Variants in LRRC4C observed in about 807,000 individuals in gnomAD.
The protein encoded by LRRC4C is leucine-rich repeat-containing protein 4C.
A neutral mutation model predicts 33.6 loss-of-function variants in LRRC4C; 5 were observed. That is an observed-to-expected ratio of 0.15 (90% CI 0.08 to 0.31). The LOEUF is 0.31. Ranked by LOEUF, LRRC4C falls within the 10% of genes least tolerant of loss-of-function variation. The probability of loss-of-function intolerance (pLI) is 1.00; values close to 1 mark genes in which losing one functional copy is unlikely to be tolerated. For missense variants in LRRC4C, 560 were observed against 796.7 expected (o/e 0.70, Z 3.58); for synonymous variants, 329 against 302.0 (o/e 1.09, Z -0.93).
At chr11:41,065,867 A>T (rs902224041) in intron 1 of LRRC4C, among the ~76,000 whole-genome samples, 5 of 152,192 alleles carry the variant, frequency 3.3e-5, no homozygotes, top group African/African-American at 9.6e-5. Flanking sequence ...AATAACAACA[A>T]CATCAACAAA....
chr11:40,762,796 G>T (rs1215045195), intron 2 of LRRC4C, among the ~76,000 whole-genome samples: 2 of 151,566 alleles, frequency 1.3e-5, no homozygotes, highest in African/African-American at 4.8e-5. Flanking sequence ...ATTTTATTAG[G>T]TTTGTTTTGT....
chr11:41,217,953 T>C (rs1461138762), intron 1 of LRRC4C, among the ~76,000 whole-genome samples: 1 of 152,206 alleles, frequency 6.6e-6, no homozygotes, highest in Non-Finnish European at 1.5e-5. Flanking sequence ...ATAATCTTCT[T>C]AGTGAATTCC....
intron 2 of LRRC4C, among the ~76,000 whole-genome samples, chr11:40,670,049 T>C (rs1007000468): frequency 6.6e-6 from 1 of 152,200 alleles, no homozygotes; most frequent in Admixed American, 6.5e-5. Flanking sequence ...TCCAGAGCTC[T>C]TCATTTTTGT....
chr11:40,661,893 A>G (rs1396096291), intron 2 of LRRC4C, among the ~76,000 whole-genome samples: 3 of 152,176 alleles, frequency 2.0e-5, no homozygotes, highest in Non-Finnish European at 2.9e-5. Context: ...AATATAAGCA[A>G]ATCAGAACAT....
chr11:40,671,685 T>C (rs1020671559), intron 2 of LRRC4C, among the ~76,000 whole-genome samples: 6 of 37,290 alleles, frequency 1.6e-4, no homozygotes, highest in African/African-American at 9.6e-4. Context: ...GTGTAGTATA[T>C]ATATATGTGT....
chr11:40,620,976 GT>G (rs887154652), intron 3 of LRRC4C, among the ~76,000 whole-genome samples: 3 of 151,624 alleles, frequency 2.0e-5, no homozygotes, highest in African/African-American at 7.3e-5. Context: ...CTACAAGCTT[GT>G]TTTTTTCTGA....
intron 2 of LRRC4C, among the ~76,000 whole-genome samples, chr11:40,785,180 C>G (rs1485919435): frequency 3.3e-5 from 5 of 151,938 alleles, no homozygotes. Flanking sequence ...GAGATGATGC[C>G]GAGGAATGAA....
At chr11:40,588,901 G>A (rs1344410417) in intron 3 of LRRC4C, among the ~76,000 whole-genome samples, 3 of 152,230 alleles carry the variant, frequency 2.0e-5, no homozygotes, top group South Asian at 2.1e-4. Flanking sequence ...TTCCAAGTAT[G>A]TGGTCAATTT....
chr11:40,424,305 A>G (rs940956331), intron 3 of LRRC4C, among the ~76,000 whole-genome samples: 2 of 152,176 alleles, frequency 1.3e-5, no homozygotes, highest in African/African-American at 4.8e-5. Context: ...TCCAAATTGA[A>G]GAGGAGTTAT....
intron 1 of LRRC4C, among the ~76,000 whole-genome samples, chr11:41,409,971 G>A (rs552814335): frequency 3.3e-5 from 5 of 152,146 alleles, no homozygotes; most frequent in South Asian, 4.1e-4. Context: ...CATTTGTACC[G>A]TGTAAGAAAA....
chr11:40,219,204 T>G (rs1864223139), intron 5 of LRRC4C, among the ~76,000 whole-genome samples: 1 of 152,174 alleles, frequency 6.6e-6, no homozygotes, highest in Admixed American at 6.5e-5. Context: ...ATTGAGTCCT[T>G]TAGTCACACT....
At chr11:40,482,023 G>T (rs1953596568) in intron 3 of LRRC4C, among the ~76,000 whole-genome samples, 1 of 152,148 alleles carries the variant, frequency 6.6e-6, no homozygotes, top group African/African-American at 2.4e-5. Context: ...ACAAATCAAT[G>T]ATTAATACTC....
chr11:40,630,303 G>C (rs958758065), intron 3 of LRRC4C, among the ~76,000 whole-genome samples: 3 of 150,482 alleles, frequency 2.0e-5, no homozygotes, highest in African/African-American at 7.4e-5. Flanking sequence ...ACAGTCCCTT[G>C]TTTATTACTT....
chr11:40,809,598 C>T (rs1358420667), intron 2 of LRRC4C, among the ~76,000 whole-genome samples: 1 of 151,996 alleles, frequency 6.6e-6, no homozygotes, highest in African/African-American at 2.4e-5. Flanking sequence ...CCCTCCTCCA[C>T]ACAGAAAAAA....
chr11:40,979,452 A>G (rs1008208588), intron 1 of LRRC4C, among the ~76,000 whole-genome samples: 4 of 152,202 alleles, frequency 2.6e-5, no homozygotes, highest in African/African-American at 9.6e-5. Flanking sequence ...CTTGGCTTAC[A>G]TTACAACAGG....
chr11:40,394,432 G>A (rs1463294294), intron 3 of LRRC4C, among the ~76,000 whole-genome samples: 1 of 152,132 alleles, frequency 6.6e-6, no homozygotes, highest in African/African-American at 2.4e-5. Context: ...TGAATTAAGG[G>A]ATACATCATC....
chr11:40,846,352 T>C (rs1953171411), intron 2 of LRRC4C, among the ~76,000 whole-genome samples: 1 of 152,170 alleles, frequency 6.6e-6, no homozygotes, highest in Admixed American at 6.5e-5. Context: ...AGTTAATGTT[T>C]GTATGAGGTG....
At chr11:41,010,837 C>T (rs1161208431) in intron 1 of LRRC4C, among the ~76,000 whole-genome samples, 2 of 152,110 alleles carry the variant, frequency 1.3e-5, no homozygotes, top group Admixed American at 6.5e-5. Context: ...ATTGCAAATT[C>T]AGTAACAGGT....
intron 3 of LRRC4C, among the ~76,000 whole-genome samples, chr11:40,599,964 TC>T (rs1296226538): frequency 2.0e-5 from 3 of 152,194 alleles, no homozygotes; most frequent in African/African-American, 7.2e-5. Flanking sequence ...GAATTTGAAC[TC>T]CTAGAATTTC....
Sources: gnomAD v4.1 joint callset for allele counts (sites outside exome capture counted in the v4.1 genomes callset) on GRCh38, gnomAD v4.1.1 for gene constraint, MANE v1.5 for transcripts, NCBI Gene and HGNC (gene_info 2026-07-23, HGNC 2026-07-21) for gene names.